The following EPS15L1 variants were observed in gnomAD, a reference collection of about 807,000 sequenced individuals.
EPS15L1 encodes the protein epidermal growth factor receptor pathway substrate 15 like 1, also known as epidermal growth factor receptor substrate 15-like 1.
A neutral mutation model predicts 117.1 loss-of-function variants in EPS15L1; 43 were observed. The observed-to-expected ratio is 0.37, with a 90% CI of 0.29 to 0.47. The LOEUF (loss-of-function observed/expected upper bound fraction) is 0.47, where lower values mean the gene tolerates loss of function less well. Among genes scored for constraint, EPS15L1 ranks in the 20% least tolerant of loss-of-function variants. The pLI, the probability that EPS15L1 is intolerant of heterozygous loss-of-function variation, is 0.99. For missense variants in EPS15L1, 981 were observed against 1,164.0 expected, an observed-to-expected ratio of 0.84 and a Z score of 2.29; for synonymous variants, 459 against 470.5, an observed-to-expected ratio of 0.98 and a Z score of 0.32.
At chr19:16,391,085 G>A (rs2092469550) in intron 19 of EPS15L1, among the ~76,000 whole-genome samples, 2 of 152,162 alleles carry the variant, frequency 1.3e-5, no homozygotes, top group Admixed American at 1.3e-4. Flanking sequence ...TCAAAAAACT[G>A]TAAATTGAAC....
At chr19:16,458,134 G>T (rs114875025) in intron 1 of EPS15L1, among the ~76,000 whole-genome samples, 12 of 152,246 alleles carry the variant, frequency 7.9e-5, no homozygotes, top group African/African-American at 2.9e-4. Context: ...GACAGTGGGG[G>T]GTGGCTCCCT....
chr19:16,392,541 G>C, intron 18 of EPS15L1, 101 bp from the exon 19 acceptor site: 1 of 1,192,284 alleles, frequency 8.4e-7, no homozygotes, highest in East Asian at 2.4e-5. Context: ...TGAAATTCTA[G>C]AAAGGTAAGA....
chr19:16,393,566 G>A lies in EPS15L1; in HGVS notation c.1966+385C>T, dbSNP rs530347648. Among the ~76,000 whole-genome samples, 833 of 150,310 alleles carry A rather than the reference G, an allele frequency of 5.5e-3. 7 individuals are homozygous for A. The highest frequency in any genetic ancestry group is 0.019 in the African/African-American group (790 of 40,996). ...TGGGAGGCTGAGGCAGGAGAATGGC[G>A]TGAACCCGGGAGGCGGAGCTTGCAG... is the stretch of plus-strand genomic sequence containing the variant. On this transcript the variant is annotated intron_variant, in intron 18 of 23. Transcript: ENST00000455140.
At chr19:16,361,408 C>T (rs974854856) in intron 23 of EPS15L1, among the ~76,000 whole-genome samples, 1 of 152,100 alleles carries the variant, frequency 6.6e-6, no homozygotes, top group Non-Finnish European at 1.5e-5. Flanking sequence ...ATGTAACTTT[C>T]GCAATCTTCT....
chr19:16,360,305 T>G (rs1326336468), intron 23 of EPS15L1, among the ~76,000 whole-genome samples: 1 of 152,076 alleles, frequency 6.6e-6, no homozygotes, highest in Non-Finnish European at 1.5e-5. Context: ...TTCAAGAAAC[T>G]CTAGATAAAG....
chr19:16,399,663 T>C (rs1402374674), intron 16 of EPS15L1, among the ~76,000 whole-genome samples: 1 of 151,668 alleles, frequency 6.6e-6, no homozygotes, highest in Non-Finnish European at 1.5e-5. Flanking sequence ...CACAAGTTCC[T>C]GTTTTTTGCT....
At chr19:16,433,621 C>T (rs946597309) in intron 7 of EPS15L1, among the ~76,000 whole-genome samples, 10 of 151,932 alleles carry the variant, frequency 6.6e-5, no homozygotes, top group Admixed American at 5.3e-4. Flanking sequence ...CCTGGCAGTT[C>T]GAGACCAGCC....
At chr19:16,407,887 C>T (rs1385854568) in intron 13 of EPS15L1, among the ~76,000 whole-genome samples, 1 of 152,134 alleles carries the variant, frequency 6.6e-6, no homozygotes, top group African/African-American at 2.4e-5. Context: ...TAGTGGAGAC[C>T]CTGGGCCAGA....
At chr19:16,372,556 C>T (rs1432279384) in intron 22 of EPS15L1, among the ~76,000 whole-genome samples, 1 of 152,208 alleles carries the variant, frequency 6.6e-6, no homozygotes, top group Non-Finnish European at 1.5e-5. Context: ...TTCCACTAAA[C>T]TGTGACCTCA....
chr19:16,398,952 T>C (rs2092569308), intron 16 of EPS15L1, among the ~76,000 whole-genome samples: 1 of 152,120 alleles, frequency 6.6e-6, no homozygotes, highest in Non-Finnish European at 1.5e-5. Context: ...CTCGCCACCA[T>C]GCCTGGCTCT....
chr19:16,430,406 A>G (rs1456984177), intron 7 of EPS15L1, among the ~76,000 whole-genome samples: 1 of 152,156 alleles, frequency 6.6e-6, no homozygotes, highest in African/African-American at 2.4e-5. Flanking sequence ...CCACCCTTCC[A>G]CAACTGTGCA....
chr19:16,441,847 G>A, intron 3 of EPS15L1, 45 bp downstream of exon 3: 1 of 1,512,226 alleles, frequency 6.6e-7, no homozygotes, highest in South Asian at 1.2e-5. Flanking sequence ...GGGGGGAGCT[G>A]TGAGGGCAGC....
intron 1 of EPS15L1, among the ~76,000 whole-genome samples, chr19:16,444,940 T>C (rs1282477737): frequency 2.0e-5 from 3 of 152,130 alleles, no homozygotes; most frequent in African/African-American, 4.8e-5. Context: ...TTGGCCAGGC[T>C]GGTCCTGACC....
chr19:16,417,583 C>A lies in EPS15L1; in HGVS notation c.1162G>T (p.Asp388Tyr). The change falls in exon 12 of 24, where the codon GAC becomes TAC. Residue 388 changes from aspartate (D) to tyrosine (Y), a missense_variant. By Grantham distance (160) the Asp-to-Tyr change is radical. Transcript: ENST00000455140. ...AACTGGGCAATCTCTTGACTGATGT[C>A]ATCAAGCTCCTTCACGCCAGTAAAC... ...GEFTGVKELD[D>Y]ISQEIAQLQR... The A allele has an allele frequency of 6.2e-7, 1 of 1,614,158 alleles. No homozygotes were observed. The highest frequency in any genetic ancestry group is 1.1e-5 in the South Asian group (1 of 91,066).
chr19:16,459,639 G>C (rs1369223299), intron 1 of EPS15L1, among the ~76,000 whole-genome samples: 2 of 152,210 alleles, frequency 1.3e-5, no homozygotes. Context: ...CACCTGGCCT[G>C]AGGATGCTGG....
At chr19:16,376,386 C>A (rs978181557) in intron 22 of EPS15L1, among the ~76,000 whole-genome samples, 2 of 152,192 alleles carry the variant, frequency 1.3e-5, no homozygotes, top group African/African-American at 4.8e-5. Flanking sequence ...CTCTGTCATA[C>A]GAGAGAAATC....
chr19:16,406,068 T>C (rs531336607), intron 13 of EPS15L1, among the ~76,000 whole-genome samples: 1 of 150,486 alleles, frequency 6.6e-6, no homozygotes, highest in East Asian at 2.0e-4. Context: ...CGGGGAGCCA[T>C]GGCTGGGTGG....
rs1229432659 is a variant in EPS15L1 at position 16,405,651 on chromosome 19, G to A, written c.1267-902C>T. Among the ~76,000 whole-genome samples the A allele has an allele frequency of 7.2e-5, 11 of 152,216 alleles. No homozygotes were observed. The highest frequency in any genetic ancestry group is 8.8e-5 in the Non-Finnish European group (6 of 68,044). On this transcript the variant is annotated intron_variant, in intron 13 of 23. Transcript: ENST00000455140. The surrounding 1 kb of genome is among the most constrained non-coding windows in gnomAD (Gnocchi z 4.0). Reference sequence around the variant, plus strand: ...CTCCTTGGCCATGGAACGGGATGGCGCCGTGTGCTTTGCCTTACAGTGGGA... The same window carrying A: ...CTCCTTGGCCATGGAACGGGATGGCACCGTGTGCTTTGCCTTACAGTGGGA...
At chr19:16,469,593 G>GA (rs1340552053) in intron 1 of EPS15L1, among the ~76,000 whole-genome samples, 20 of 152,152 alleles carry the variant, frequency 1.3e-4, no homozygotes, top group Admixed American at 1.3e-3. Flanking sequence ...TTCAGGGTCA[G>GA]AAAAGAGTAT....
Sources: allele counts gnomAD v4.1 joint callset (sites outside exome capture counted in the v4.1 genomes callset), GRCh38; gene constraint gnomAD v4.1.1; non-coding constraint Gnocchi (gnomAD v3.1); transcripts MANE v1.5; gene names NCBI Gene and HGNC (gene_info 2026-07-23, HGNC 2026-07-21).